Variants in OXCT1 observed in about 807,000 individuals in gnomAD.
OXCT1 encodes succinyl-CoA:3-ketoacid coenzyme A transferase 1, mitochondrial.
In OXCT1, 27 loss-of-function variants were observed where a neutral mutation model predicts 69.6. The ratio of observed to expected loss-of-function variants is 0.39; its 90% CI spans 0.29 to 0.54. The LOEUF (loss-of-function observed/expected upper bound fraction) is 0.54, where lower values mean the gene tolerates loss of function less well. OXCT1 is among the 20% of genes least tolerant of loss of function. The probability of loss-of-function intolerance (pLI) is 0.72; values close to 1 mark genes in which losing one functional copy is unlikely to be tolerated. For missense variants in OXCT1, 437 were observed against 650.2 expected, an observed-to-expected ratio of 0.67 and a Z score of 3.57; for synonymous variants, 202 against 217.8, an observed-to-expected ratio of 0.93 and a Z score of 0.64.
chr5:41,750,732 G>A (rs774642818), intron 14 of OXCT1, among the ~76,000 whole-genome samples: 1 of 152,006 alleles, frequency 6.6e-6, no homozygotes, highest in Non-Finnish European at 1.5e-5. Flanking sequence ...TTTCAGATAG[G>A]TGGACTCCAT....
chr5:41,845,241 T>C (rs1748841509), intron 5 of OXCT1, among the ~76,000 whole-genome samples: 1 of 152,130 alleles, frequency 6.6e-6, no homozygotes, highest in Non-Finnish European at 1.5e-5. Context: ...AACCCTCTTA[T>C]CTCCACTTGC....
At chr5:41,790,381 C>A (rs1745856386) in intron 13 of OXCT1, among the ~76,000 whole-genome samples, 3 of 152,216 alleles carry the variant, frequency 2.0e-5, no homozygotes, top group African/African-American at 4.8e-5. Context: ...ACCATCATCA[C>A]AATCAGCAGC....
chr5:41,842,353 G>T (rs943224163), intron 6 of OXCT1, among the ~76,000 whole-genome samples: 3 of 152,110 alleles, frequency 2.0e-5, no homozygotes, highest in Non-Finnish European at 4.4e-5. Context: ...AAATAAAATT[G>T]TATGATGTCA....
chr5:41,815,021 G>C (rs895321652), intron 7 of OXCT1, among the ~76,000 whole-genome samples: 1 of 151,888 alleles, frequency 6.6e-6, no homozygotes, highest in Non-Finnish European at 1.5e-5. Context: ...ATTGTAAAAC[G>C]CAGGATGTGA....
chr5:41,825,952 A>T (rs1447450704), intron 7 of OXCT1, among the ~76,000 whole-genome samples: 1 of 152,232 alleles, frequency 6.6e-6, no homozygotes, highest in Non-Finnish European at 1.5e-5. Context: ...AAATATGTGA[A>T]TCTTTTGAGC....
At chr5:41,848,181 T>C (rs1265563646) in intron 5 of OXCT1, among the ~76,000 whole-genome samples, 1 of 151,792 alleles carries the variant, frequency 6.6e-6, no homozygotes, top group Non-Finnish European at 1.5e-5. Context: ...CCATTCACAA[T>C]TGCTTCAAAG....
intron 13 of OXCT1, among the ~76,000 whole-genome samples, chr5:41,766,400 A>G (rs1744599936): frequency 6.6e-6 from 1 of 152,142 alleles, no homozygotes; most frequent in Non-Finnish European, 1.5e-5. Context: ...GATGAATATG[A>G]TGATCCACTT....
In OXCT1 at chr5:41,842,844, T is replaced by C. The variant is rs1579857644; in HGVS notation, c.565-63A>G. 3.8e-6 allele frequency: 4 copies of C among 1,049,940 alleles called. No individual in the cohort carries two copies. In the East Asian group the frequency reaches 9.5e-5, roughly 25 times the overall value. 65.0% of individuals were successfully genotyped at this position (1,049,940 alleles called of 1,614,324 possible). A position where few individuals can be genotyped will look rare whatever the true frequency, so the allele number is the denominator to read the frequency against. ...TAGGTCTTGATTGTGATAGAGGCACTCTGATAGAGGTAGATAATAAGGATA... is the reference window on the plus strand; with the variant it reads ...TAGGTCTTGATTGTGATAGAGGCACCCTGATAGAGGTAGATAATAAGGATA... On this transcript the variant is annotated intron_variant, in intron 5 of 16. Coordinates refer to ENST00000196371, the MANE Select transcript of OXCT1 (RefSeq NM_000436.4).
At chr5:41,852,067 C>A (rs1430788227) in intron 4 of OXCT1, among the ~76,000 whole-genome samples, 1 of 152,288 alleles carries the variant, frequency 6.6e-6, no homozygotes, top group East Asian at 1.9e-4. Flanking sequence ...CATGCAAGAA[C>A]CGTGAGAAGT....
intron 13 of OXCT1, among the ~76,000 whole-genome samples, chr5:41,771,612 C>T (rs558104719): frequency 6.6e-6 from 1 of 152,232 alleles, no homozygotes; most frequent in African/African-American, 2.4e-5. Flanking sequence ...AAACATCAGA[C>T]AATATGGCTA....
At chr5:41,756,537 A>C (rs537201784) in intron 14 of OXCT1, among the ~76,000 whole-genome samples, 1 of 152,256 alleles carries the variant, frequency 6.6e-6, no homozygotes, top group East Asian at 1.9e-4. Context: ...TGGAGACAGA[A>C]GCATGTAACA....
At chr5:41,822,752 C>G (rs549433962) in intron 7 of OXCT1, among the ~76,000 whole-genome samples, 1 of 152,126 alleles carries the variant, frequency 6.6e-6, no homozygotes, top group East Asian at 1.9e-4. Flanking sequence ...TCTGAGCCAC[C>G]GTGCCCAGCC....
At chr5:41,735,570 T>C (rs1413462325) in intron 16 of OXCT1, among the ~76,000 whole-genome samples, 1 of 152,220 alleles carries the variant, frequency 6.6e-6, no homozygotes, top group East Asian at 1.9e-4. Flanking sequence ...GATGGTAAAT[T>C]TTTTTAAAGT....
intron 7 of OXCT1, among the ~76,000 whole-genome samples, chr5:41,826,889 C>T (rs1354862853): frequency 6.6e-6 from 1 of 152,180 alleles, no homozygotes; most frequent in Non-Finnish European, 1.5e-5. Flanking sequence ...AGGATCATCC[C>T]AGGTTTCCCC....
At chr5:41,827,698 T>C (rs958018441) in intron 7 of OXCT1, among the ~76,000 whole-genome samples, 3 of 152,178 alleles carry the variant, frequency 2.0e-5, no homozygotes, top group African/African-American at 4.8e-5. Flanking sequence ...AGAAAGCACA[T>C]TGCTACCCTG....
intron 13 of OXCT1, among the ~76,000 whole-genome samples, chr5:41,772,422 G>C (rs1233206350): frequency 6.6e-6 from 1 of 151,780 alleles, no homozygotes; most frequent in East Asian, 1.9e-4. Context: ...ATCATTACCA[G>C]TGTTTTTTTC....
intron 13 of OXCT1, among the ~76,000 whole-genome samples, chr5:41,774,103 T>A (rs953845611): frequency 6.6e-6 from 1 of 152,196 alleles, no homozygotes; most frequent in Non-Finnish European, 1.5e-5. Flanking sequence ...TGGTGAGGTG[T>A]AATTGCTAAA....
chr5:41,836,116 C>T (rs558805823), intron 7 of OXCT1, among the ~76,000 whole-genome samples: 43 of 152,308 alleles, frequency 2.8e-4, no homozygotes, highest in South Asian at 6.2e-4. Flanking sequence ...CCTTGCTACT[C>T]CTTGTCATAC....
At chr5:41,809,965 C>T (rs1177693285) in intron 7 of OXCT1, among the ~76,000 whole-genome samples, 1 of 151,888 alleles carries the variant, frequency 6.6e-6, no homozygotes, top group African/African-American at 2.4e-5. Flanking sequence ...TTGAAAACGT[C>T]TATACAAAAA....
Sources: gnomAD v4.1 joint callset for allele counts (sites outside exome capture counted in the v4.1 genomes callset) on GRCh38, gnomAD v4.1.1 for gene constraint, MANE v1.5 for transcripts, NCBI Gene and HGNC (gene_info 2026-07-23, HGNC 2026-07-21) for gene names.